Variants in VPS41 observed in about 807,000 individuals in gnomAD.
The protein encoded by VPS41 is vacuolar protein sorting-associated protein 41 homolog.
Under a neutral mutation model 130.9 loss-of-function variants are expected in VPS41, and 85 were observed. The observed-to-expected ratio is 0.65, with a 90% CI of 0.55 to 0.78. The LOEUF is 0.78. VPS41 is among the 30% of genes least tolerant of loss of function. The pLI is 0.00. For synonymous variants in VPS41, 335 were observed against 332.9 expected (o/e 1.01, Z -0.07); for missense variants, 874 against 1,018.7 (o/e 0.86, Z 1.93).
intron 1 of VPS41, among the ~76,000 whole-genome samples, chr7:38,905,579 C>T (rs1787241714): frequency 6.6e-6 from 1 of 152,112 alleles, no homozygotes; most frequent in Non-Finnish European, 1.5e-5. Flanking sequence ...GTGCAGATGT[C>T]ACTATTTTGG....
intron 12 of VPS41, 54 bp from the exon 13 acceptor site, chr7:38,772,691 G>T: frequency 7.6e-7 from 1 of 1,316,298 alleles, no homozygotes; most frequent in Non-Finnish European, 1.1e-6. Context: ...AGAAAACTTG[G>T]CAATGGTTTC....
chr7:38,860,914 C>A (rs1470869551), intron 4 of VPS41, among the ~76,000 whole-genome samples: 1 of 151,944 alleles, frequency 6.6e-6, no homozygotes, highest in Non-Finnish European at 1.5e-5. Context: ...GTAAGGTAAA[C>A]AAACACACAA....
intron 10 of VPS41, among the ~76,000 whole-genome samples, chr7:38,777,660 C>T (rs964774963): frequency 1.3e-5 from 2 of 152,196 alleles, no homozygotes; most frequent in African/African-American, 4.8e-5. Flanking sequence ...GGAGTAAACT[C>T]TTGTTCTGAC....
At chr7:38,851,684 G>T (rs1267510582) in intron 4 of VPS41, among the ~76,000 whole-genome samples, 1 of 152,080 alleles carries the variant, frequency 6.6e-6, no homozygotes, top group Non-Finnish European at 1.5e-5. Context: ...GTTTAGAAAG[G>T]GTGGAATGTA....
Position 38,728,748 on chromosome 7 carries a change from G to A in VPS41, c.2303C>T (p.Ser768Phe), listed in dbSNP as rs1795599230. 6.2e-7 allele frequency: 1 copy of A among 1,614,058 alleles called. No individual in the cohort carries two copies. Among genetic ancestry groups the A allele is most frequent in the Admixed American group, 1.7e-5 (1 of 60,010 alleles). Residue 768 changes from serine to phenylalanine, a missense_variant, in exon 26 of 29, where the codon TCT (serine) becomes TTT (phenylalanine). Transcript: ENST00000310301. ...EGCKKILVAD[S>F]LSLLKKMHRT... ...GTGCATTTTCTTCAGTAAGGACAAA[G>A]AGTCAGCTACGAGAATCTTCTTGCA...
At chr7:38,797,376 G>C (rs1784642548) in intron 7 of VPS41, among the ~76,000 whole-genome samples, 1 of 151,978 alleles carries the variant, frequency 6.6e-6, no homozygotes, top group South Asian at 2.1e-4. Flanking sequence ...AAAACAATTG[G>C]AATTAAGCTT....
In VPS41 at chr7:38,898,013, G is replaced by C. The variant is rs947558253; in HGVS notation, c.60+78C>G. On this transcript the variant is annotated intron_variant, in intron 2 of 28. Transcript: ENST00000310301. ...TACACCCTCAGCCCCTGGGAATGTT[G>C]CATTTAGCAAAGAAGCGCAACTCAA... 5 of 1,366,026 alleles carry C rather than the reference G, an allele frequency of 3.7e-6. No individual in the cohort carries two copies. The African/African-American group carries it at 7.2e-5, about 20-fold the overall frequency. 84.6% of individuals were successfully genotyped at this position (1,366,026 alleles called of 1,614,324 possible). A position where few individuals can be genotyped will look rare whatever the true frequency, so the allele number is the denominator to read the frequency against.
rs1584379507 is a variant in VPS41, at chr7:38,759,548, G to A, written c.1423-1067C>T. Among the ~76,000 whole-genome samples the A allele has an allele frequency of 2.0e-5, 3 of 152,134 alleles. No individual in the cohort carries two copies. The South Asian group carries it at 6.2e-4, about 32-fold the overall frequency. On this transcript the variant is annotated intron_variant, in intron 17 of 28. Coordinates refer to ENST00000310301, the MANE Select transcript of VPS41 (RefSeq NM_014396.4). Reference sequence around the variant, plus strand: ...GGTCTGGGTGTGGTGAAGAGTTGCAGGGAATATTATTGTACAATAAATCTC... The same window carrying A: ...GGTCTGGGTGTGGTGAAGAGTTGCAAGGAATATTATTGTACAATAAATCTC...
At chr7:38,855,560 T>C (rs575834946) in intron 4 of VPS41, among the ~76,000 whole-genome samples, 2 of 152,244 alleles carry the variant, frequency 1.3e-5, no homozygotes, top group South Asian at 4.1e-4. Flanking sequence ...CACAAAAACA[T>C]GTTTTGAAAC....
intron 7 of VPS41, among the ~76,000 whole-genome samples, chr7:38,800,837 A>AAAAT (rs144799613): frequency 0.09 from 13,686 of 152,008 alleles, 847 homozygotes; most frequent in African/African-American, 0.17. Flanking sequence ...ACTCTGTCTC[A>AAAAT]AAATAAATAA....
rs771478314 is a variant in VPS41 at position 38,745,663 on chromosome 7, C to A, written c.1927-50G>T. 2.2e-6 allele frequency: 3 copies of A among 1,370,576 alleles called. No homozygotes were observed. The South Asian group carries it at 3.7e-5, about 17-fold the overall frequency. 84.9% of individuals were successfully genotyped at this position (1,370,576 alleles called of 1,614,324 possible). A position where few individuals can be genotyped will look rare whatever the true frequency, so the allele number is the denominator to read the frequency against. On this transcript the variant is annotated intron_variant, in intron 22 of 28. Transcript: ENST00000310301. ...GTTACTATAGGCGACCAAATAAGAACAAACAGTAATAAAGTCATTTAAACT... is the reference window on the plus strand; with the variant it reads ...GTTACTATAGGCGACCAAATAAGAAAAAACAGTAATAAAGTCATTTAAACT...
At chr7:38,754,293 T>C (rs1783744509) in intron 21 of VPS41, among the ~76,000 whole-genome samples, 2 of 152,252 alleles carry the variant, frequency 1.3e-5, no homozygotes, top group Admixed American at 6.5e-5. Context: ...GGTGCCATAC[T>C]GGCCTTTACT....
chr7:38,835,590 T>C (rs1201545262), intron 4 of VPS41, among the ~76,000 whole-genome samples: 1 of 151,990 alleles, frequency 6.6e-6, no homozygotes, highest in East Asian at 1.9e-4. Flanking sequence ...TTTTAGAAAT[T>C]TAATAATTTG....
Position 38,758,514 on chromosome 7 carries a change from T to G in VPS41, c.1423-33A>C, listed in dbSNP as rs201033635. On this transcript the variant is annotated intron_variant, in intron 17 of 28. Transcript: ENST00000310301. ...AAGGTGAAAAACAGAAAAAGAACAC[T>G]CATTCAACAGAATAATAGTTGTGAT... 24 of 1,595,796 alleles carry G rather than the reference T, an allele frequency of 1.5e-5. 1 individual carries two copies. The East Asian group carries it at 4.9e-4, about 33-fold the overall frequency.
chr7:38,789,306 G>C (rs190370950), intron 10 of VPS41, among the ~76,000 whole-genome samples: 8 of 152,236 alleles, frequency 5.3e-5, no homozygotes, highest in Admixed American at 1.3e-4. Context: ...GTGCTAGAAA[G>C]GGGAGGAGGC....
chr7:38,800,398 A>G (rs1784702553), intron 7 of VPS41, among the ~76,000 whole-genome samples: 1 of 152,048 alleles, frequency 6.6e-6, no homozygotes, highest in Non-Finnish European at 1.5e-5. Context: ...ATTTTATATT[A>G]TTTTTATTTT....
chr7:38,755,223 C>T (rs78184160), intron 19 of VPS41, among the ~76,000 whole-genome samples: 1 of 151,788 alleles, frequency 6.6e-6, no homozygotes, highest in African/African-American at 2.4e-5. Flanking sequence ...CCTAGCCCCC[C>T]GCCCTCCGAT....
chr7:38,781,711 T>C (rs1229804749), intron 10 of VPS41, among the ~76,000 whole-genome samples: 1 of 152,208 alleles, frequency 6.6e-6, no homozygotes, highest in East Asian at 1.9e-4. Context: ...CAACATTATC[T>C]TTGCATCTAT....
intron 4 of VPS41, chr7:38,831,245 T>G (rs1440647957): frequency 2.1e-6 from 1 of 471,154 alleles, no homozygotes; most frequent in East Asian, 6.9e-5. Context: ...GGCATCTGGT[T>G]GTAAGCTGCC....
Sources: gnomAD v4.1 joint callset for allele counts (sites outside exome capture counted in the v4.1 genomes callset) on GRCh38, gnomAD v4.1.1 for gene constraint, MANE v1.5 for transcripts, NCBI Gene and HGNC (gene_info 2026-07-23, HGNC 2026-07-21) for gene names.